The following FLNB variants were observed in gnomAD, a reference collection of about 807,000 sequenced individuals.
FLNB encodes the protein filamin-B.
Under a neutral mutation model 250.6 loss-of-function variants are expected in FLNB, and 111 were observed. The ratio of observed to expected loss-of-function variants is 0.44; its 90% CI spans 0.38 to 0.52. The LOEUF (loss-of-function observed/expected upper bound fraction) is 0.52. Among genes scored for constraint, FLNB ranks in the 20% least tolerant of loss-of-function variants. FLNB has a pLI of 0.00. For missense variants in FLNB, 2,869 were observed against 3,447.8 expected (o/e 0.83, Z 4.20); for synonymous variants, 1,302 against 1,372.1 (o/e 0.95, Z 1.13).
chr3:58,131,903 C>T, intron 25 of FLNB: 3 of 1,502,942 alleles, frequency 2.0e-6, no homozygotes, highest in Admixed American at 2.0e-5. Context: ...GAAGGACTCT[C>T]AAGTAACAGC....
In FLNB at chr3:58,123,532, C is replaced by T; in HGVS notation, c.3566C>T (p.Thr1189Ile). Residue 1189 changes from threonine to isoleucine, a missense_variant, in exon 21 of 46, where the codon ACC becomes ATC. Around this residue, in one of 5 missense-constraint regions of FLNB, gnomAD observed 1,348 missense variants for 1,466.7 expected, o/e 0.92. Transcript: ENST00000295956. ...AGTATTCAGAACAACAAAGATGGCA[C>T]CTACGCGGTGACCTACGTGCCCCTG... ...EVSIQNNKDG[T>I]YAVTYVPLTA... 1 of 1,606,356 alleles carries T rather than the reference C, an allele frequency of 6.2e-7. No homozygotes were observed. The highest frequency in any genetic ancestry group is 8.5e-7 in the Non-Finnish European group (1 of 1,176,384).
At chr3:58,027,545 G>T (rs1393975291) in intron 1 of FLNB, among the ~76,000 whole-genome samples, 3 of 152,068 alleles carry the variant, frequency 2.0e-5, no homozygotes, top group Non-Finnish European at 2.9e-5. Flanking sequence ...GCCTCCCAAA[G>T]TGCTGGGATT....
intron 1 of FLNB, among the ~76,000 whole-genome samples, chr3:58,057,176 G>C (rs755579770): frequency 6.6e-6 from 1 of 151,932 alleles, no homozygotes; most frequent in Non-Finnish European, 1.5e-5. Flanking sequence ...GGGTCTCACT[G>C]TGTTGCCCAG....
At chr3:58,039,826 A>T (rs2097143495) in intron 1 of FLNB, among the ~76,000 whole-genome samples, 1 of 152,140 alleles carries the variant, frequency 6.6e-6, no homozygotes. Context: ...AAAGAGGAAC[A>T]TCTCACGTTG....
At chr3:58,063,925 C>G (rs1046523759) in intron 1 of FLNB, among the ~76,000 whole-genome samples, 1 of 151,834 alleles carries the variant, frequency 6.6e-6, no homozygotes, top group Non-Finnish European at 1.5e-5. Flanking sequence ...AAAAAACTCC[C>G]AGGAAACATA....
chr3:58,058,459 C>G (rs76619909), intron 1 of FLNB, among the ~76,000 whole-genome samples: 4,996 of 152,214 alleles, frequency 0.033, 278 homozygotes, highest in African/African-American at 0.11. Context: ...CTAAAGGAAA[C>G]CTAGAAAGGA....
chr3:58,016,081 T>A (rs2097105368), intron 1 of FLNB, among the ~76,000 whole-genome samples: 1 of 146,934 alleles, frequency 6.8e-6, no homozygotes, highest in Non-Finnish European at 1.5e-5. Context: ...TGAGTTGGAG[T>A]TTCAATCTTG....
chr3:58,158,695 C>A (rs1394194511), intron 41 of FLNB, among the ~76,000 whole-genome samples: 1 of 152,136 alleles, frequency 6.6e-6, no homozygotes, highest in African/African-American at 2.4e-5. Context: ...TGTTCTTAAC[C>A]ATCTGAACTT....
intron 8 of FLNB, among the ~76,000 whole-genome samples, chr3:58,100,744 C>T (rs1222211783): frequency 6.6e-6 from 1 of 151,826 alleles, no homozygotes; most frequent in African/African-American, 2.4e-5. Context: ...TACAGGTGCA[C>T]ACCACCACGC....
Position 58,172,112 on chromosome 3 carries a change from T to A in FLNB, c.*1350T>A, listed in dbSNP as rs2097383270. The A allele has an allele frequency of 6.6e-6, 1 of 152,580 alleles. No individual in the cohort carries two copies. Among genetic ancestry groups the A allele is most frequent in the South Asian group, 2.1e-4 (1 of 4,820 alleles). The allele number at this position is 152,580 out of a possible 1,614,324, so 9.5% of individuals were successfully genotyped here. A position where few individuals can be genotyped will look rare whatever the true frequency, so the allele number is the denominator to read the frequency against. On this transcript the variant is annotated 3_prime_UTR_variant, in exon 46 of 46. Coordinates refer to ENST00000295956, the MANE Select transcript of FLNB (RefSeq NM_001457.4). ...GAGTGTTGGGGGTAAAAGCCCACCCTACAGAAAGTGGAACAGCCCGGAGCC... is the reference window on the plus strand; with the variant it reads ...GAGTGTTGGGGGTAAAAGCCCACCCAACAGAAAGTGGAACAGCCCGGAGCC...
intron 29 of FLNB, among the ~76,000 whole-genome samples, chr3:58,140,329 C>A (rs986004149): frequency 2.0e-5 from 3 of 152,214 alleles, no homozygotes; most frequent in African/African-American, 7.2e-5. Context: ...AAGTCCTGGA[C>A]CAAAGGCCAT....
intron 1 of FLNB, among the ~76,000 whole-genome samples, chr3:58,031,923 A>G (rs1050187166): frequency 2.0e-5 from 3 of 150,970 alleles, no homozygotes; most frequent in Non-Finnish European, 4.4e-5. Context: ...CCTTGTGTTT[A>G]TTATTTTGTT....
chr3:58,125,358 C>G (rs2097295985), intron 22 of FLNB, among the ~76,000 whole-genome samples: 1 of 152,158 alleles, frequency 6.6e-6, no homozygotes, highest in Non-Finnish European at 1.5e-5. Context: ...GTCTTGAACT[C>G]CTGGACTCAA....
intron 20 of FLNB, among the ~76,000 whole-genome samples, chr3:58,122,715 T>C (rs1014491445): frequency 6.6e-6 from 1 of 152,138 alleles, no homozygotes; most frequent in African/African-American, 2.4e-5. Context: ...AAGCCACAGC[T>C]AGCTCCACAA....
At chr3:58,100,363 G>GT (rs1384628852) in intron 8 of FLNB, among the ~76,000 whole-genome samples, 127 of 28,534 alleles carry the variant, frequency 4.5e-3, no homozygotes, top group African/African-American at 0.032. Context: ...TTTTACATAT[G>GT]TAAAAAAAAA....
Position 58,143,504 on chromosome 3 carries a change from C to T in FLNB, c.5316C>T (p.Ala1772=). The T allele has an allele frequency of 6.2e-7, 1 of 1,614,184 alleles. No homozygotes were observed. The change falls in exon 32 of 46, where the codon GCC becomes GCT. Residue 1772 remains alanine (A), a synonymous_variant. Transcript: ENST00000295956. ...TCCACATGCCTTCTGGGAAGACAGC[C>T]ACACCTGAGATTGTGGACAACAAGG... is the stretch of plus-strand genomic sequence containing the variant. ...GEVHMPSGKT[A]TPEIVDNKDG... is the part of the protein sequence containing the mutation.
intron 4 of FLNB, among the ~76,000 whole-genome samples, chr3:58,089,928 AG>A (rs1438541681): frequency 6.6e-6 from 1 of 152,010 alleles, no homozygotes; most frequent in Admixed American, 6.6e-5. Context: ...CTGGGCTTAC[AG>A]GTGCCCACCA....
chr3:58,031,400 G>T (rs113721453), intron 1 of FLNB, among the ~76,000 whole-genome samples: 1 of 151,590 alleles, frequency 6.6e-6, no homozygotes, highest in Non-Finnish European at 1.5e-5. Flanking sequence ...CCGCCACCAC[G>T]CCTGGCTAAT....
chr3:58,113,949 T>C (rs1047565372), intron 18 of FLNB, among the ~76,000 whole-genome samples: 5 of 152,042 alleles, frequency 3.3e-5, no homozygotes, highest in African/African-American at 1.2e-4. Flanking sequence ...AACCTGCGGA[T>C]ATTACAGGCA....
Sources: gnomAD v4.1 joint callset for allele counts (sites outside exome capture counted in the v4.1 genomes callset) on GRCh38, gnomAD v4.1.1 for gene constraint, gnomAD v4.1.1 regional missense constraint, MANE v1.5 for transcripts, NCBI Gene and HGNC (gene_info 2026-07-23, HGNC 2026-07-21) for gene names.